STAT5B: variants seen among roughly 807,000 people sequenced by gnomAD.
STAT5B encodes the protein signal transducer and activator of transcription 5B, also known as transcription factor STAT5B.
In STAT5B, 21 loss-of-function variants were observed where a neutral mutation model predicts 107.8. That is an observed-to-expected ratio of 0.19 (90% CI 0.14 to 0.28). STAT5B has a LOEUF of 0.28. Among genes scored for constraint, STAT5B ranks in the 10% least tolerant of loss-of-function variants. The pLI is 1.00. For synonymous variants in STAT5B, 325 were observed against 401.7 expected (o/e 0.81, Z 2.28); for missense variants, 565 against 1,008.2 (o/e 0.56, Z 5.95).
chr17:42,202,880 A>T, intron 16 of STAT5B, 72 bp from the exon 17 acceptor site: 1 of 1,581,042 alleles, frequency 6.3e-7, no homozygotes, highest in Admixed American at 1.7e-5. Context: ...TATGAATCAC[A>T]TCTTTTCTTA....
intron 1 of STAT5B, among the ~76,000 whole-genome samples, chr17:42,250,010 A>G (rs2080484925): frequency 6.6e-6 from 1 of 152,198 alleles, no homozygotes; most frequent in Non-Finnish European, 1.5e-5. Context: ...AAGCCTACGC[A>G]TTCAATCTTC....
At chr17:42,241,019 T>A (rs1439294498) in intron 1 of STAT5B, among the ~76,000 whole-genome samples, 1 of 152,080 alleles carries the variant, frequency 6.6e-6, no homozygotes, top group Non-Finnish European at 1.5e-5. Flanking sequence ...CTCCAGTGAA[T>A]GACTAAGGAT....
chr17:42,281,222 C>T (rs1026223078), upstream of STAT5B, among the ~76,000 whole-genome samples: 8 of 152,004 alleles, frequency 5.3e-5, no homozygotes, highest in African/African-American at 1.9e-4. Flanking sequence ...CTCAGTTTCC[C>T]ATCACGTGTA....
At chr17:42,262,916 ATGTG>A (rs1279234652) in intron 1 of STAT5B, among the ~76,000 whole-genome samples, 1 of 114,422 alleles carries the variant, frequency 8.7e-6, no homozygotes, top group Non-Finnish European at 1.8e-5. Flanking sequence ...GTGTATATAT[ATGTG>A]TGTATATATA....
At chr17:42,253,442 G>A (rs2080516397) in intron 1 of STAT5B, among the ~76,000 whole-genome samples, 1 of 152,094 alleles carries the variant, frequency 6.6e-6, no homozygotes, top group Non-Finnish European at 1.5e-5. Flanking sequence ...GACAAGAGAT[G>A]GGAAATGCAA....
intron 4 of STAT5B, 120 bp from the exon 5 acceptor site, chr17:42,223,676 C>A: frequency 7.7e-7 from 1 of 1,297,462 alleles, no homozygotes; most frequent in Non-Finnish European, 1.1e-6. Flanking sequence ...AATTTTGAGT[C>A]GGGAGGAAAA....
In STAT5B at chr17:42,219,766, C is replaced by G. The variant is rs751423677; in HGVS notation, c.627G>C (p.Val209=). 8.7e-6 allele frequency: 14 copies of G among 1,612,398 alleles called. No homozygotes were observed. The highest frequency in any genetic ancestry group is 1.2e-5 in the Non-Finnish European group (14 of 1,179,436). Residue 209 remains valine (V), a synonymous_variant, in exon 6 of 19, where the codon GTG becomes GTC. Coordinates refer to ENST00000293328, the MANE Select transcript of STAT5B (RefSeq NM_012448.4). ...SRETALQQKQ[V]SLEAWLQREA... ...CACGCTGCAACCAGGCCTCCAGAGA[C>G]ACCTGCTTCTGCTGGAGGGCCGTCT... is the stretch of plus-strand genomic sequence containing the variant.
chr17:42,256,831 C>T (rs2080549326), intron 1 of STAT5B, among the ~76,000 whole-genome samples: 1 of 127,760 alleles, frequency 7.8e-6, no homozygotes, highest in African/African-American at 3.2e-5. Context: ...CACTGCACTC[C>T]AGCCTGGGTG....
chr17:42,286,843 C>T, the STAT5B span, among the ~76,000 whole-genome samples: 5 of 152,306 alleles, frequency 3.3e-5, no homozygotes, highest in East Asian at 1.9e-4. Context: ...GGCTGCATGA[C>T]GGTGGCAAAG....
intron 1 of STAT5B, among the ~76,000 whole-genome samples, chr17:42,260,604 G>T (rs567561164): frequency 2.6e-5 from 4 of 151,900 alleles, no homozygotes; most frequent in Non-Finnish European, 5.9e-5. Flanking sequence ...TAGAGACTGG[G>T]TCTCACTATG....
rs868634685 is a variant in STAT5B at position 42,207,493 on chromosome 17, A to G, written c.2077+65T>C. On this transcript the variant is annotated intron_variant, in intron 16 of 18. Coordinates refer to ENST00000293328, the MANE Select transcript of STAT5B (RefSeq NM_012448.4). Reference sequence around the variant, plus strand: ...AGATAACACACGCAGGTATGCACACACACACACACACACACACACACACAC... The same window carrying G: ...AGATAACACACGCAGGTATGCACACGCACACACACACACACACACACACAC... The G allele has an allele frequency of 7.6e-4, 724 of 949,174 alleles. 2 individuals carry two copies. The African/African-American group carries it at 0.012, about 16-fold the overall frequency. 58.8% of individuals were successfully genotyped at this position (949,174 alleles called of 1,614,324 possible). A position where few individuals can be genotyped will look rare whatever the true frequency, so the allele number is the denominator to read the frequency against.
At chr17:42,224,963 G>C in intron 3 of STAT5B, 95 bp from the exon 4 acceptor site, 1 of 1,214,016 alleles carries the variant, frequency 8.2e-7, no homozygotes, top group Non-Finnish European at 1.2e-6. Context: ...GGGACCTCCT[G>C]AATCACAGGA....
At chr17:42,221,675 G>C (rs1435394804) in intron 5 of STAT5B, among the ~76,000 whole-genome samples, 2 of 152,178 alleles carry the variant, frequency 1.3e-5, no homozygotes, top group African/African-American at 2.4e-5. Context: ...GCCAGTCTAG[G>C]ATGGATTCAG....
Position 42,255,707 on chromosome 17 carries a change from G to A in STAT5B, c.-11+20541C>T, listed in dbSNP as rs1031139234. On this transcript the variant is annotated intron_variant, in intron 1 of 18. Transcript: ENST00000293328. ...ACTGTTTAATGAATACAGGATTTTA[G>A]TTTAGGATGAAAAAATTCTGGAGAT... is the stretch of plus-strand genomic sequence containing the variant. Among the ~76,000 whole-genome samples the A allele has an allele frequency of 6.6e-5, 10 of 152,186 alleles. No individual in the cohort carries two copies. In the South Asian group the frequency reaches 2.1e-3, roughly 31 times the overall value.
intron 1 of STAT5B, among the ~76,000 whole-genome samples, chr17:42,256,122 C>A (rs1157820553): frequency 2.0e-5 from 3 of 152,112 alleles, no homozygotes; most frequent in African/African-American, 7.2e-5. Flanking sequence ...ATACGTAACT[C>A]CACAATCTTT....
chr17:42,262,826 GTATA>G lies in STAT5B; in HGVS notation c.-11+13418_-11+13421del, dbSNP rs1223521324. Among the ~76,000 whole-genome samples, 4 of 117,520 alleles carry G rather than the reference GTATA, an allele frequency of 3.4e-5. No individual in the cohort carries two copies. The South Asian group carries it at 8.1e-4, about 24-fold the overall frequency. The allele number at this position is 117,520 out of a possible 152,430, so 77.1% of individuals were successfully genotyped here. A position where few individuals can be genotyped will look rare whatever the true frequency, so the allele number is the denominator to read the frequency against. On this transcript the variant is annotated intron_variant, in intron 1 of 18. Coordinates refer to ENST00000293328, the MANE Select transcript of STAT5B (RefSeq NM_012448.4). ...TGTATATATACACACATATATATGTGTATATATACACACATATATATGTATATAC... is the reference window on the plus strand; with the variant it reads ...TGTATATATACACACATATATATGTGTATACACACATATATATGTATATAC...
chr17:42,250,340 G>C (rs2080487942), intron 1 of STAT5B, among the ~76,000 whole-genome samples: 1 of 152,088 alleles, frequency 6.6e-6, no homozygotes, highest in Admixed American at 6.6e-5. Context: ...AGATAGTATG[G>C]AGTTCAAGGA....
Position 42,210,022 on chromosome 17 carries a change from CTTA to C in STAT5B, c.1906+146_1906+148del, listed in dbSNP as rs558378870. On this transcript the variant is annotated intron_variant, in intron 15 of 18. Transcript: ENST00000293328. ...CATAATAGTATTTTTCATAGGCTGC[CTTA>C]TTATGAGTATGTCATGGCTATACAT... 3.4e-5 allele frequency: 42 copies of C among 1,247,108 alleles called. 1 individual carries two copies. In the Admixed American group the frequency reaches 6.9e-4, roughly 20 times the overall value. 77.3% of individuals were successfully genotyped at this position (1,247,108 alleles called of 1,614,324 possible).
chr17:42,227,170 A>AATAAATAAATAAATAG (rs1163598993), intron 3 of STAT5B, among the ~76,000 whole-genome samples: 1 of 150,464 alleles, frequency 6.6e-6, no homozygotes, highest in Non-Finnish European at 1.5e-5. Context: ...TAAATAAATA[A>AATAAATAAATAAATAG]ATAGAAAATG....
Sources: gnomAD v4.1 joint callset for allele counts (sites outside exome capture counted in the v4.1 genomes callset) on GRCh38, gnomAD v4.1.1 for gene constraint, MANE v1.5 for transcripts, NCBI Gene and HGNC (gene_info 2026-07-23, HGNC 2026-07-21) for gene names.